SIRT2: variants seen among roughly 807,000 people sequenced by gnomAD.
SIRT2 encodes the protein sirtuin 2, also known as NAD-dependent protein deacetylase sirtuin-2.
SIRT2 carries 40 observed loss-of-function variants against 57.4 expected under a neutral mutation model. The observed-to-expected ratio is 0.70, with a 90% CI of 0.54 to 0.91. SIRT2 has a LOEUF of 0.91. SIRT2 is among the 40% of genes least tolerant of loss of function. The pLI is 0.00. For synonymous variants in SIRT2, 161 were observed against 195.7 expected (o/e 0.82, Z 1.48); for missense variants, 439 against 510.4 (o/e 0.86, Z 1.35).
chr19:38,892,622 G>A (rs1234441875), intron 4 of SIRT2, among the ~76,000 whole-genome samples: 1 of 152,060 alleles, frequency 6.6e-6, no homozygotes, highest in Non-Finnish European at 1.5e-5. Context: ...TGCCCAGGCT[G>A]CAGTGCAGTG....
At position 38,881,483 on chromosome 19, in the gene SIRT2, AGATCT is replaced by A. The variant is rs775836024; in HGVS notation, c.635_639del (p.Lys212IlefsTer3). 1 of 1,613,834 alleles carries A rather than the reference AGATCT, an allele frequency of 6.2e-7. No homozygotes were observed. The highest frequency in any genetic ancestry group is 1.1e-5 in the South Asian group (1 of 91,064). On this transcript the variant is annotated frameshift_variant, in exon 10 of 16. Coordinates refer to ENST00000249396, the MANE Select transcript of SIRT2 (RefSeq NM_012237.4). LOFTEE classifies it high-confidence loss of function. ...TCACACTTGGGCGTCACCTCAGAGA[AGATCT>A]TCTCTGGGTATGGGGAAGGGGAAGA...
intron 2 of SIRT2, among the ~76,000 whole-genome samples, chr19:38,897,684 A>G (rs955853513): frequency 5.3e-5 from 8 of 152,002 alleles, no homozygotes; most frequent in African/African-American, 1.7e-4. Context: ...ACCACTACAC[A>G]TGGCTAATTT....
chr19:38,897,189 T>G (rs11575002), intron 2 of SIRT2, among the ~76,000 whole-genome samples: 34,421 of 152,126 alleles, frequency 0.23, 7,986 homozygotes, highest in African/African-American at 0.6. Flanking sequence ...GAGGCACGTT[T>G]GGCACTAAAC....
At chr19:38,881,057 G>T in intron 11 of SIRT2, 43 bp downstream of exon 11, 1 of 1,600,064 alleles carries the variant, frequency 6.2e-7, no homozygotes, top group African/African-American at 1.3e-5. Context: ...AGCACAGGTG[G>T]AGGCGGCGGT....
chr19:38,892,543 A>G (rs1299071575), intron 4 of SIRT2, among the ~76,000 whole-genome samples: 1 of 152,038 alleles, frequency 6.6e-6, no homozygotes, highest in Non-Finnish European at 1.5e-5. Context: ...TGCTCTAAGC[A>G]TTTGCATTTT....
At chr19:38,887,788 C>G (rs534561777) in intron 8 of SIRT2, among the ~76,000 whole-genome samples, 98 of 152,306 alleles carry the variant, frequency 6.4e-4, no homozygotes, top group African/African-American at 2.3e-3. Flanking sequence ...GAGATGGAGT[C>G]TTGCTCTGTC....
intron 8 of SIRT2, among the ~76,000 whole-genome samples, chr19:38,888,789 C>T (rs1356602707): frequency 1.3e-5 from 2 of 152,260 alleles, no homozygotes; most frequent in Non-Finnish European, 2.9e-5. Flanking sequence ...TAGGCTCCTT[C>T]CACATCACAC....
rs549549151 is a variant in SIRT2 at position 38,878,743 on chromosome 19, C to T, written c.*412G>A. On this transcript the variant is annotated 3_prime_UTR_variant, in exon 16 of 16. Transcript: ENST00000249396. ...GGTGTGGGTTATATTCAGAGGCCCA[C>T]ACCCACACTGGGGTAGGTTAGGTAT... 2 of 163,840 alleles carry T rather than the reference C, an allele frequency of 1.2e-5. No individual in the cohort carries two copies. The highest frequency in any genetic ancestry group is 1.7e-4 in the South Asian group (1 of 5,888). The allele number at this position is 163,840 out of a possible 1,614,324, so 10.1% of individuals were successfully genotyped here. A position where few individuals can be genotyped will look rare whatever the true frequency, so the allele number is the denominator to read the frequency against.
chr19:38,890,946 C>G (rs764319288), intron 4 of SIRT2, among the ~76,000 whole-genome samples: 1 of 152,336 alleles, frequency 6.6e-6, no homozygotes, highest in South Asian at 2.1e-4. Context: ...GAACAGAGCA[C>G]AAAGCCTGCC....
chr19:38,885,733 G>A (rs1325781150), intron 8 of SIRT2, among the ~76,000 whole-genome samples: 1 of 151,962 alleles, frequency 6.6e-6, no homozygotes, highest in Non-Finnish European at 1.5e-5. Context: ...TGGGAACACA[G>A]GCACGCGCCA....
At position 38,885,333 on chromosome 19, in the gene SIRT2, G is replaced by C. The variant is rs1973293105; in HGVS notation, c.502-1577C>G. 2.0e-5 allele frequency among the ~76,000 whole-genome samples: 3 copies of C among 152,168 alleles called. No individual in the cohort carries two copies. In the East Asian group the frequency reaches 5.8e-4, roughly 29 times the overall value. On this transcript the variant is annotated intron_variant, in intron 8 of 15. Transcript: ENST00000249396. ...TTGCCCGGGCTGGTCTTGAACTCCT[G>C]GGCTCAAGTGATCCTCCCACTTCAG...
intron 8 of SIRT2, among the ~76,000 whole-genome samples, chr19:38,886,345 C>T (rs1973336353): frequency 6.6e-6 from 1 of 152,154 alleles, no homozygotes; most frequent in Non-Finnish European, 1.5e-5. Context: ...GACTCCCTCA[C>T]ATGTGAGTGA....
At chr19:38,895,034 TC>T (rs931184412) in intron 2 of SIRT2, among the ~76,000 whole-genome samples, 2 of 142,996 alleles carry the variant, frequency 1.4e-5, no homozygotes, top group African/African-American at 5.1e-5. Context: ...GATCGTACTG[TC>T]CCCCCCATCA....
intron 8 of SIRT2, 75 bp from the exon 9 acceptor site, chr19:38,883,831 T>C (rs1973237334): frequency 6.5e-7 from 1 of 1,532,868 alleles, no homozygotes. Context: ...AGTAGGGAGT[T>C]GAGGGCCACG....
Position 38,898,378 on chromosome 19 carries a change from C to G in SIRT2, c.63+1G>C. Reference sequence around the variant, plus strand: ...CCCCTCCACCCTTTCCCCCATCTCACCTGAGCCTCCTGCACCTTCCCTGCC... The same window carrying G: ...CCCCTCCACCCTTTCCCCCATCTCAGCTGAGCCTCCTGCACCTTCCCTGCC... On this transcript the variant is annotated splice_donor_variant, in intron 2 of 15. Transcript: ENST00000249396. LOFTEE classifies it high-confidence loss of function. 1 of 1,535,252 alleles carries G rather than the reference C, an allele frequency of 6.5e-7. No individual in the cohort carries two copies. The highest frequency in any genetic ancestry group is 8.8e-7 in the Non-Finnish European group (1 of 1,132,388).
chr19:38,880,987 C>T lies in SIRT2; in HGVS notation c.748-90G>A, dbSNP rs1373287230. On this transcript the variant is annotated intron_variant, in intron 11 of 15. Coordinates refer to ENST00000249396, the MANE Select transcript of SIRT2 (RefSeq NM_012237.4). The surrounding 1 kb of genome is among the most constrained non-coding windows in gnomAD (Gnocchi z 4.1). ...CCCAGCAGCAAACCTCCCTGCCGCC[C>T]CCCATAGCTGGGGAGGTGACCTTTC... The T allele has an allele frequency of 1.5e-5, 23 of 1,544,234 alleles. No individual in the cohort carries two copies. The highest frequency in any genetic ancestry group is 8.2e-5 in the African/African-American group (6 of 73,416).
At chr19:38,893,922 G>C in intron 2 of SIRT2, 55 bp from the exon 3 acceptor site, 1 of 1,610,510 alleles carries the variant, frequency 6.2e-7, no homozygotes. Flanking sequence ...AGGGAGGGAG[G>C]AGAGGGGGTG....
intron 9 of SIRT2, among the ~76,000 whole-genome samples, chr19:38,883,247 A>ATT (rs74891421): frequency 4.1e-4 from 60 of 144,810 alleles, no homozygotes; most frequent in South Asian, 1.5e-3. Context: ...CACCAGGCTA[A>ATT]TTTTTTTTTT....
At chr19:38,893,743 T>G (rs1973622633) in intron 3 of SIRT2, 76 bp downstream of exon 3, 1 of 1,542,522 alleles carries the variant, frequency 6.5e-7, no homozygotes, top group African/African-American at 1.4e-5. Flanking sequence ...GTTGAGGAGG[T>G]ATCACCCACA....
Sources: gnomAD v4.1 joint callset for allele counts (sites outside exome capture counted in the v4.1 genomes callset) on GRCh38, gnomAD v4.1.1 for gene constraint, Gnocchi (gnomAD v3.1) non-coding constraint, MANE v1.5 for transcripts, NCBI Gene and HGNC (gene_info 2026-07-23, HGNC 2026-07-21) for gene names.